Variants in STARD13 observed in about 807,000 individuals in gnomAD.
The protein encoded by STARD13 is stAR-related lipid transfer protein 13.
In STARD13, 62 loss-of-function variants were observed where a neutral mutation model predicts 106.4. That is an observed-to-expected ratio of 0.58 (90% CI 0.48 to 0.72). The LOEUF (loss-of-function observed/expected upper bound fraction) is 0.72. Ranked by LOEUF, STARD13 falls within the 30% of genes least tolerant of loss-of-function variation. STARD13 has a pLI of 0.00. For missense variants in STARD13, 1,387 were observed against 1,424.0 expected (o/e 0.97, Z 0.42); for synonymous variants, 565 against 553.0 (o/e 1.02, Z -0.31).
chr13:33,241,794 A>G (rs965634706), intron 1 of STARD13, among the ~76,000 whole-genome samples: 11 of 152,162 alleles, frequency 7.2e-5, no homozygotes, highest in Admixed American at 2.6e-4. Context: ...TGCCAGCCTC[A>G]GCCTCCCGAG....
chr13:33,167,602 A>T lies in STARD13; in HGVS notation c.190T>A (p.Cys64Ser). 1 of 1,614,190 alleles carries T rather than the reference A, an allele frequency of 6.2e-7. No individual in the cohort carries two copies. Among genetic ancestry groups the T allele is most frequent in the Non-Finnish European group, 8.5e-7 (1 of 1,180,018 alleles). ...IQQEIEAKEA[C>S]DWLRAAGFPQ... The stretch of plus-strand genomic sequence containing the variant: ...AACCCGGCAGCACGGAGCCAGTCAC[A>T]TGCTTCTTTTGCCTCAATTTCTGAA... The change falls in exon 2 of 14, where the codon TGT (cysteine) becomes AGT (serine). Residue 64 changes from cysteine to serine, a missense_variant. Coordinates refer to ENST00000336934, the MANE Select transcript of STARD13 (RefSeq NM_178006.4).
intron 1 of STARD13, among the ~76,000 whole-genome samples, chr13:33,306,671 T>A (rs1024619648): frequency 6.6e-6 from 1 of 152,040 alleles, no homozygotes; most frequent in South Asian, 2.1e-4. Flanking sequence ...AGCAAAGGAC[T>A]GGGCATGGTG....
At chr13:33,619,921 G>A in the STARD13 span, among the ~76,000 whole-genome samples, 1 of 152,080 alleles carries the variant, frequency 6.6e-6, no homozygotes, top group Non-Finnish European at 1.5e-5. Flanking sequence ...AAAATTAGCT[G>A]GGCGTGGTGG....
the STARD13 span, among the ~76,000 whole-genome samples, chr13:33,443,905 A>G: frequency 2.0e-5 from 3 of 151,900 alleles, no homozygotes; most frequent in African/African-American, 7.2e-5. Context: ...AAAAAAAAAA[A>G]AAAAAGAAGA....
chr13:33,129,782 T>C lies in STARD13; in HGVS notation c.895A>G (p.Lys299Glu), dbSNP rs1247892150. 6.2e-7 allele frequency: 1 copy of C among 1,613,982 alleles called. No homozygotes were observed. Among genetic ancestry groups the C allele is most frequent in the South Asian group, 1.1e-5 (1 of 91,082 alleles). ...GGTATTTGGATGCACTGCATAGCCT[T>C]AAAGGACTCTGGCTCCTGCTGCAAC... ...PMLQQEPESF[K>E]AMQCIQIPNG... Residue 299 changes from lysine (K) to glutamate (E), a missense_variant, in exon 5 of 14, where the codon AAG becomes GAG. Transcript: ENST00000336934.
At chr13:33,350,933 C>T (rs1475081711), upstream of STARD13, among the ~76,000 whole-genome samples, 3 of 68,030 alleles carry the variant, frequency 4.4e-5, no homozygotes, top group Non-Finnish European at 1.1e-4. Flanking sequence ...TCAGAAACTA[C>T]CACCTTCACA....
At chr13:33,395,381 C>G in the STARD13 span, among the ~76,000 whole-genome samples, 1 of 152,052 alleles carries the variant, frequency 6.6e-6, no homozygotes, top group East Asian at 1.9e-4. Context: ...CAGCTTAAAT[C>G]CATTTTGGGT....
intron 1 of STARD13, among the ~76,000 whole-genome samples, chr13:33,216,353 G>GTA (rs1047537150): frequency 6.6e-6 from 1 of 152,116 alleles, no homozygotes; most frequent in Non-Finnish European, 1.5e-5. Flanking sequence ...AGAAACTGTG[G>GTA]TATATATATA....
At chr13:33,228,786 T>C (rs2138202385) in intron 1 of STARD13, among the ~76,000 whole-genome samples, 1 of 151,858 alleles carries the variant, frequency 6.6e-6, no homozygotes, top group African/African-American at 2.4e-5. Flanking sequence ...TCACGTAGAG[T>C]CTGATAACCA....
chr13:33,383,986 T>C, the STARD13 span, among the ~76,000 whole-genome samples: 2 of 152,220 alleles, frequency 1.3e-5, no homozygotes, highest in Non-Finnish European at 2.9e-5. Flanking sequence ...CGATTATTAA[T>C]TTAGCCTGAC....
chr13:33,115,102 T>G (rs1184230477), intron 8 of STARD13, among the ~76,000 whole-genome samples: 1 of 152,134 alleles, frequency 6.6e-6, no homozygotes, highest in Admixed American at 6.5e-5. Flanking sequence ...CCTTAAAGCC[T>G]TATGGTTGTC....
the STARD13 span, among the ~76,000 whole-genome samples, chr13:33,536,255 C>G: frequency 3.0e-4 from 45 of 152,280 alleles, no homozygotes; most frequent in African/African-American, 1.0e-3. Flanking sequence ...TTACATCATA[C>G]GTATTTTTAA....
the STARD13 span, among the ~76,000 whole-genome samples, chr13:33,470,834 G>A: frequency 3.9e-5 from 6 of 152,042 alleles, no homozygotes; most frequent in Non-Finnish European, 7.4e-5. Flanking sequence ...GCCCTTTGTC[G>A]GATGGATAGA....
chr13:33,276,550 A>C (rs919299025), intron 1 of STARD13: 2 of 152,208 alleles, frequency 1.3e-5, no homozygotes, highest in Non-Finnish European at 2.9e-5. Context: ...TTATGACTAT[A>C]CATACTTTTT....
At chr13:33,400,179 C>G in the STARD13 span, among the ~76,000 whole-genome samples, 3 of 152,158 alleles carry the variant, frequency 2.0e-5, no homozygotes, top group Admixed American at 2.0e-4. Flanking sequence ...CTCTCTGCTT[C>G]AGAGTTCAAC....
the STARD13 span, among the ~76,000 whole-genome samples, chr13:33,399,234 C>T: frequency 1.3e-5 from 2 of 152,074 alleles, no homozygotes; most frequent in Non-Finnish European, 2.9e-5. Context: ...ATAAGCGACA[C>T]ATATAAAGAC....
chr13:33,546,855 A>C, the STARD13 span, among the ~76,000 whole-genome samples: 3 of 152,128 alleles, frequency 2.0e-5, no homozygotes, highest in East Asian at 5.8e-4. Flanking sequence ...TTTGTATTTC[A>C]TATATGGATA....
At chr13:33,664,433 A>T in the STARD13 span, among the ~76,000 whole-genome samples, 2 of 152,164 alleles carry the variant, frequency 1.3e-5, no homozygotes, top group African/African-American at 4.8e-5. Context: ...AACTTACAGA[A>T]CTGTGTTGTC....
At chr13:33,283,433 T>TA (rs144956543) in intron 1 of STARD13, among the ~76,000 whole-genome samples, 5 of 152,034 alleles carry the variant, frequency 3.3e-5, no homozygotes, top group African/African-American at 1.2e-4. Context: ...ATGGGCATAA[T>TA]AAAAAAAATT....
Sources: allele counts gnomAD v4.1 joint callset (sites outside exome capture counted in the v4.1 genomes callset), GRCh38; gene constraint gnomAD v4.1.1; transcripts MANE v1.5; gene names NCBI Gene and HGNC (gene_info 2026-07-23, HGNC 2026-07-21).